GRID2: variants seen among roughly 807,000 people sequenced by gnomAD.
GRID2 encodes glutamate receptor ionotropic, delta-2.
Under a neutral mutation model 114.8 loss-of-function variants are expected in GRID2, and 33 were observed. That is an observed-to-expected ratio of 0.29 (90% CI 0.22 to 0.38). The LOEUF (loss-of-function observed/expected upper bound fraction) is 0.38, where lower values mean the gene tolerates loss of function less well. Ranked by LOEUF, GRID2 falls within the 10% of genes least tolerant of loss-of-function variation. GRID2 has a pLI of 1.00. For synonymous variants in GRID2, 505 were observed against 449.9 expected (o/e 1.12, Z -1.55); for missense variants, 1,184 against 1,257.7 (o/e 0.94, Z 0.89).
In GRID2 at chr4:93,610,864, G is replaced by C. The variant is rs985882180; in HGVS notation, c.2194-15405G>C. 6.6e-4 allele frequency among the ~76,000 whole-genome samples: 90 copies of C among 135,606 alleles called. 1 individual carries two copies. Among genetic ancestry groups the C allele is most frequent in the African/African-American group, 2.7e-3 (88 of 32,298 alleles). The allele number at this position is 135,606 out of a possible 152,430, so 89.0% of individuals were successfully genotyped here. A position where few individuals can be genotyped will look rare whatever the true frequency, so the allele number is the denominator to read the frequency against. Reference sequence around the variant, plus strand: ...AGGGAGGATTCCCTCTTTTTCTATTGATTGGAATAGTTTCAGAAGGAATGG... The same window carrying C: ...AGGGAGGATTCCCTCTTTTTCTATTCATTGGAATAGTTTCAGAAGGAATGG... On this transcript the variant is annotated intron_variant, in intron 13 of 15. Transcript: ENST00000282020.
chr4:93,589,039 T>C (rs13143071), intron 13 of GRID2, among the ~76,000 whole-genome samples: 1 of 151,724 alleles, frequency 6.6e-6, no homozygotes, highest in East Asian at 1.9e-4. Context: ...TGCTTTTTTT[T>C]TTATTATTTA....
intron 4 of GRID2, among the ~76,000 whole-genome samples, chr4:93,141,382 A>G (rs1735753362): frequency 6.6e-6 from 1 of 152,198 alleles, no homozygotes; most frequent in African/African-American, 2.4e-5. Flanking sequence ...AGCTTGATAA[A>G]GTGGATCCTA....
rs910256136 is a variant in GRID2 at position 92,587,598 on chromosome 4, T to A, written c.89-2533T>A. ...AAATAAATAACTGGGATTTGAAATG[T>A]TGGATAAGATTTTCTGTTCTTTGAT... On this transcript the variant is annotated intron_variant, in intron 1 of 15. Transcript: ENST00000282020. 4.6e-5 allele frequency among the ~76,000 whole-genome samples: 7 copies of A among 152,294 alleles called. 1 individual carries two copies. In the South Asian group the frequency reaches 1.2e-3, roughly 27 times the overall value.
In GRID2 at chr4:92,590,250, G is replaced by C; in HGVS notation, c.208G>C (p.Val70Leu). The C allele has an allele frequency of 6.2e-7, 1 of 1,613,548 alleles. No homozygotes were observed. ...TEKITFSVTF[V>L]DGNNPFQAVQ... ...GAAAATCACATTTTCAGTGACGTTT[G>C]TTGATGGCAACAACCCTTTCCAAGC... The change falls in exon 2 of 16, where the codon GTT (valine) becomes CTT (leucine). Residue 70 changes from valine to leucine, a missense_variant. This residue lies in a region of GRID2 where 455 missense variants were observed against 429.5 expected (regional missense o/e 1.06). Coordinates refer to ENST00000282020, the MANE Select transcript of GRID2 (RefSeq NM_001510.4).
intron 2 of GRID2, among the ~76,000 whole-genome samples, chr4:92,610,722 C>T (rs1729677780): frequency 6.6e-6 from 1 of 151,580 alleles, no homozygotes; most frequent in South Asian, 2.1e-4. Context: ...CAAGTCCAAT[C>T]AATTGACAGT....
chr4:92,378,828 G>A (rs1729478005), intron 1 of GRID2, among the ~76,000 whole-genome samples: 1 of 151,810 alleles, frequency 6.6e-6, no homozygotes, highest in Admixed American at 6.6e-5. Flanking sequence ...TGTTAATGCT[G>A]TCTTATGATT....
intron 2 of GRID2, among the ~76,000 whole-genome samples, chr4:92,736,955 G>C (rs1015878136): frequency 6.6e-6 from 1 of 152,036 alleles, no homozygotes; most frequent in Admixed American, 6.6e-5. Flanking sequence ...GGGACAGAGA[G>C]GATGTGGGGA....
intron 1 of GRID2, among the ~76,000 whole-genome samples, chr4:93,782,279 A>C: frequency 6.6e-6 from 1 of 152,166 alleles, no homozygotes; most frequent in Non-Finnish European, 1.5e-5. Context: ...GAAATCCAAA[A>C]TAAATGTTTC....
intron 2 of GRID2, among the ~76,000 whole-genome samples, chr4:93,046,139 G>T (rs1455231042): frequency 1.3e-5 from 2 of 151,960 alleles, no homozygotes; most frequent in Non-Finnish European, 2.9e-5. Context: ...TTATTTTCAG[G>T]AACTTTATAT....
At chr4:92,898,380 A>G (rs201263901) in intron 2 of GRID2, among the ~76,000 whole-genome samples, 2 of 152,150 alleles carry the variant, frequency 1.3e-5, no homozygotes, top group East Asian at 3.9e-4. Flanking sequence ...ATTTTTCCCA[A>G]TGATTTCTAA....
chr4:93,090,148 G>A (rs534688100), intron 3 of GRID2, among the ~76,000 whole-genome samples: 1 of 152,238 alleles, frequency 6.6e-6, no homozygotes, highest in East Asian at 1.9e-4. Flanking sequence ...AATCTGAATG[G>A]TGGGGATTGC....
chr4:93,478,017 C>G (rs1460375542), intron 11 of GRID2, among the ~76,000 whole-genome samples: 1 of 152,022 alleles, frequency 6.6e-6, no homozygotes, highest in Non-Finnish European at 1.5e-5. Context: ...TTTACTGTTA[C>G]TTAACATACA....
chr4:93,455,383 C>T (rs1036762341), intron 10 of GRID2, among the ~76,000 whole-genome samples: 2 of 152,014 alleles, frequency 1.3e-5, no homozygotes, highest in African/African-American at 4.8e-5. Flanking sequence ...AATTTTCTCC[C>T]TGTGTTATCT....
chr4:93,696,632 A>G (rs6819079), intron 14 of GRID2, among the ~76,000 whole-genome samples: 6,252 of 152,294 alleles, frequency 0.041, 200 homozygotes, highest in African/African-American at 0.081. Flanking sequence ...TATTGTTTTA[A>G]AGCATTAGCG....
At chr4:92,326,937 A>G (rs1274382391) in intron 1 of GRID2, among the ~76,000 whole-genome samples, 3 of 151,892 alleles carry the variant, frequency 2.0e-5, no homozygotes, top group Non-Finnish European at 2.9e-5. Context: ...TCCCCTTGCC[A>G]ACAAGAAGCC....
At chr4:93,662,587 G>A (rs1723595409) in intron 14 of GRID2, among the ~76,000 whole-genome samples, 2 of 152,100 alleles carry the variant, frequency 1.3e-5, no homozygotes, top group Admixed American at 6.5e-5. Context: ...ATCAGACTCA[G>A]TAAAGCTAGA....
chr4:93,043,610 G>A (rs1725816671), intron 2 of GRID2, among the ~76,000 whole-genome samples: 1 of 152,140 alleles, frequency 6.6e-6, no homozygotes, highest in African/African-American at 2.4e-5. Flanking sequence ...AAAGAGCATG[G>A]TGTGTTTTCT....
intron 2 of GRID2, among the ~76,000 whole-genome samples, chr4:93,020,841 C>T (rs769001329): frequency 3.3e-5 from 5 of 151,808 alleles, no homozygotes; most frequent in Non-Finnish European, 7.4e-5. Context: ...GAGACCAGCC[C>T]GACCAACATG....
At chr4:93,627,723 G>C (rs1001923378) in intron 14 of GRID2, among the ~76,000 whole-genome samples, 1 of 152,196 alleles carries the variant, frequency 6.6e-6, no homozygotes, top group Non-Finnish European at 1.5e-5. Flanking sequence ...TTGTAAAAGA[G>C]GCTGGCAGAA....
Sources: allele counts gnomAD v4.1 joint callset (sites outside exome capture counted in the v4.1 genomes callset), GRCh38; gene constraint gnomAD v4.1.1; regional missense constraint gnomAD v4.1.1; transcripts MANE v1.5; gene names NCBI Gene and HGNC (gene_info 2026-07-23, HGNC 2026-07-21).